Variants in DMD observed in about 807,000 individuals in gnomAD.
The protein encoded by DMD is mutant dystrophin.
A neutral mutation model predicts 330.1 loss-of-function variants in DMD; 63 were observed. The observed-to-expected ratio is 0.19, with a 90% CI of 0.16 to 0.24. DMD has a LOEUF of 0.24. Among genes scored for constraint, DMD ranks in the 10% least tolerant of loss-of-function variants. DMD has a pLI of 1.00. For synonymous variants in DMD, 1,223 were observed against 959.8 expected (o/e 1.27, Z -5.07); for missense variants, 3,344 against 2,684.1 (o/e 1.25, Z -5.43).
intron 1 of DMD, among the ~76,000 whole-genome samples, chrX:33,023,981 A>T (rs778583654): frequency 1.3e-3 from 146 of 111,691 alleles, no homozygotes; most frequent in Non-Finnish European, 2.4e-3. Flanking sequence ...CTAAAATTTT[A>T]TACGTATTTA....
intron 11 of DMD, among the ~76,000 whole-genome samples, chrX:32,620,904 C>T (rs752670766): frequency 2.7e-5 from 3 of 111,941 alleles, no homozygotes; most frequent in South Asian, 7.6e-4. Flanking sequence ...GCAGAACACA[C>T]AGCCTAAGAG....
At chrX:33,205,655 T>TAAAAC (rs2051524362) in intron 1 of DMD, among the ~76,000 whole-genome samples, 1 of 112,065 alleles carries the variant, frequency 8.9e-6, no homozygotes, top group Non-Finnish European at 1.9e-5. Flanking sequence ...GAGAACGCTT[T>TAAAAC]AAAACAAAAC....
chrX:31,261,376 C>T (rs2050498424), intron 62 of DMD: 2 of 204,902 alleles, frequency 9.8e-6, no homozygotes, highest in Admixed American at 1.3e-4. Context: ...ACAGAAAGGA[C>T]ACCGACAACT....
chrX:31,601,422 G>T (rs1216760065), intron 55 of DMD, among the ~76,000 whole-genome samples: 1 of 112,003 alleles, frequency 8.9e-6, no homozygotes, highest in Non-Finnish European at 1.9e-5. Context: ...TCCATTATCC[G>T]CCAGTCTGTT....
chrX:32,540,122 G>A (rs771286685), intron 17 of DMD, among the ~76,000 whole-genome samples: 1 of 111,512 alleles, frequency 9.0e-6, no homozygotes, highest in Non-Finnish European at 1.9e-5. Flanking sequence ...ACTGCTACAT[G>A]ATTAGGAAGT....
intron 25 of DMD, among the ~76,000 whole-genome samples, chrX:32,455,304 T>A (rs964983488): frequency 1.8e-5 from 2 of 111,385 alleles, no homozygotes; most frequent in African/African-American, 3.2e-5. Context: ...GCATAAAACG[T>A]AGTTTGGCAA....
intron 1 of DMD, among the ~76,000 whole-genome samples, chrX:33,182,887 A>G (rs2050068492): frequency 8.9e-6 from 1 of 112,325 alleles, no homozygotes; most frequent in Non-Finnish European, 1.9e-5. Flanking sequence ...AAGCATTTAA[A>G]GAAGTACTAG....
chrX:33,237,042 C>G (rs113355732), intron 1 of DMD, among the ~76,000 whole-genome samples: 1,141 of 111,323 alleles, frequency 0.01, 15 homozygotes, highest in African/African-American at 0.036. Flanking sequence ...TAAGGATAGA[C>G]TATGTCAGCC....
At chrX:31,783,022 A>T (rs147956515) in intron 50 of DMD, among the ~76,000 whole-genome samples, 118 of 112,026 alleles carry the variant, frequency 1.1e-3, no homozygotes, top group African/African-American at 3.7e-3. Context: ...AGACAAGGGA[A>T]GAAAAAGCCA....
intron 1 of DMD, among the ~76,000 whole-genome samples, chrX:33,096,709 T>C (rs1480798053): frequency 9.0e-6 from 1 of 111,520 alleles, no homozygotes; most frequent in East Asian, 2.8e-4. Context: ...TTTCACCATG[T>C]GGGCCAGGCT....
chrX:32,552,176 A>C (rs2049636766), intron 16 of DMD, among the ~76,000 whole-genome samples: 1 of 112,094 alleles, frequency 8.9e-6, no homozygotes, highest in Non-Finnish European at 1.9e-5. Flanking sequence ...AGGTAATCCT[A>C]AGCAAAAAGA....
At chrX:32,255,179 G>T (rs2097293342) in intron 43 of DMD, among the ~76,000 whole-genome samples, 1 of 111,698 alleles carries the variant, frequency 9.0e-6, no homozygotes, top group Non-Finnish European at 1.9e-5. Flanking sequence ...CTCCATTCTT[G>T]GTCAGTGTAC....
chrX:33,036,702 T>C (rs1313515087), intron 1 of DMD, among the ~76,000 whole-genome samples: 2 of 111,409 alleles, frequency 1.8e-5, no homozygotes, highest in African/African-American at 3.3e-5. Context: ...TAACGTTGCA[T>C]TGTAACCTAC....
chrX:33,189,579 A>G (rs1167965631), intron 1 of DMD, among the ~76,000 whole-genome samples: 3 of 110,527 alleles, frequency 2.7e-5, no homozygotes, highest in Non-Finnish European at 5.7e-5. Context: ...GGTAAGGAGA[A>G]GGAGGGTAAT....
intron 51 of DMD, among the ~76,000 whole-genome samples, chrX:31,754,397 C>A (rs925587924): frequency 2.7e-5 from 3 of 110,920 alleles, no homozygotes; most frequent in African/African-American, 9.8e-5. Flanking sequence ...ACACACAATT[C>A]TCTTATTTGC....
rs904011265 is a variant in DMD, at chrX:32,849,752, G to T, written c.162C>A (p.Leu54=). 5.8e-6 allele frequency: 7 copies of T among 1,208,229 alleles called. No homozygotes were observed. Among genetic ancestry groups the T allele is most frequent in the Non-Finnish European group, 7.8e-6 (7 of 892,913 alleles). Residue 54 remains leucine, a synonymous_variant, in exon 3 of 79, where the codon CTC becomes CTA. Transcript: ENST00000357033. ...CCAGTTTTTGCCCTGTCAGGCCTTCGAGGAGGTCTAGGAGGCGCCTCCCAT... is the reference window on the plus strand; with the variant it reads ...CCAGTTTTTGCCCTGTCAGGCCTTCTAGGAGGTCTAGGAGGCGCCTCCCAT... ...LQDGRRLLDL[L]EGLTGQKLPK...
intron 1 of DMD, among the ~76,000 whole-genome samples, chrX:33,057,312 G>A (rs1194080834): frequency 8.9e-6 from 1 of 111,772 alleles, no homozygotes; most frequent in Admixed American, 9.5e-5. Context: ...CCACTGATAG[G>A]CAATGGAAGT....
chrX:31,545,916 G>T (rs2074116482), intron 55 of DMD, among the ~76,000 whole-genome samples: 2 of 112,001 alleles, frequency 1.8e-5, no homozygotes, highest in African/African-American at 6.5e-5. Flanking sequence ...CTTCACTGCG[G>T]ATACAAAGAA....
At chrX:31,693,276 A>G (rs2083238366) in intron 52 of DMD, among the ~76,000 whole-genome samples, 1 of 111,761 alleles carries the variant, frequency 8.9e-6, no homozygotes, top group African/African-American at 3.2e-5. Flanking sequence ...AATGTTCTCC[A>G]AAAGAATAAA....
Sources: gnomAD v4.1 joint callset for allele counts (sites outside exome capture counted in the v4.1 genomes callset) on GRCh38, gnomAD v4.1.1 for gene constraint, MANE v1.5 for transcripts, NCBI Gene and HGNC (gene_info 2026-07-23, HGNC 2026-07-21) for gene names.